The following IMMP2L variants were observed in gnomAD, a reference collection of about 807,000 sequenced individuals.
IMMP2L encodes inner mitochondrial membrane peptidase subunit 2.
Under a neutral mutation model 19.3 loss-of-function variants are expected in IMMP2L, and 18 were observed. The observed-to-expected ratio is 0.93, with a 90% confidence interval of 0.64 to 1.38. The LOEUF (loss-of-function observed/expected upper bound fraction) is 1.38, where lower values mean the gene tolerates loss of function less well. Among genes scored for constraint, IMMP2L ranks in the 40% most tolerant of loss-of-function variants. The probability of loss-of-function intolerance (pLI) is 0.00; values close to 1 mark genes in which losing one functional copy is unlikely to be tolerated. For synonymous variants in IMMP2L, 76 were observed against 73.0 expected, an observed-to-expected ratio of 1.04 and a Z score of -0.21; for missense variants, 233 against 218.2, an observed-to-expected ratio of 1.07 and a Z score of -0.43.
intron 3 of IMMP2L, among the ~76,000 whole-genome samples, chr7:111,173,797 C>T (rs2189324): frequency 0.89 from 134,529 of 151,514 alleles, 60,237 homozygotes; most frequent in Non-Finnish European, 0.95. Context: ...AGGACATATC[C>T]AGAAAATGTA....
At chr7:110,963,841 A>C (rs2129555626) in intron 3 of IMMP2L, among the ~76,000 whole-genome samples, 1 of 152,130 alleles carries the variant, frequency 6.6e-6, no homozygotes, top group South Asian at 2.1e-4. Context: ...TTAAGGAATA[A>C]AGTTTATTAT....
rs1420122653 is a variant in IMMP2L, at chr7:110,663,392, A to G, written c.*210T>C. ...TTTTGGGGGCATTAAACAACAGGGA[A>G]CTAAAATTTAACACAAAATCAGGTG... On this transcript the variant is annotated 3_prime_UTR_variant, in exon 6 of 6. Coordinates refer to ENST00000405709, the MANE Select transcript of IMMP2L (RefSeq NM_032549.4). The G allele has an allele frequency of 6.8e-6, 3 of 439,170 alleles. No homozygotes were observed. Among genetic ancestry groups the G allele is most frequent in the African/African-American group, 4.1e-5 (2 of 48,304 alleles). The allele number at this position is 439,170 out of a possible 1,614,324, so 27.2% of individuals were successfully genotyped here.
chr7:111,483,824 A>T (rs1842397387), intron 3 of IMMP2L: 1 of 152,196 alleles, frequency 6.6e-6, no homozygotes, highest in East Asian at 1.9e-4. Context: ...TTTTTCCCAG[A>T]TGATTAATGT....
At chr7:111,131,953 A>T (rs1052111516) in intron 3 of IMMP2L, among the ~76,000 whole-genome samples, 2 of 151,966 alleles carry the variant, frequency 1.3e-5, no homozygotes, top group Non-Finnish European at 2.9e-5. Flanking sequence ...AACTCACAAC[A>T]ATAACTAATA....
At chr7:111,311,572 T>C (rs901114290) in intron 3 of IMMP2L, among the ~76,000 whole-genome samples, 6 of 152,168 alleles carry the variant, frequency 3.9e-5, no homozygotes, top group Non-Finnish European at 7.3e-5. Flanking sequence ...TATGTATTTG[T>C]AGCAATACTC....
intron 3 of IMMP2L, among the ~76,000 whole-genome samples, chr7:111,365,148 A>T (rs1829650711): frequency 6.6e-6 from 1 of 152,096 alleles, no homozygotes; most frequent in Admixed American, 6.6e-5. Context: ...GAACTTTTAA[A>T]ATTGAATTCA....
chr7:111,063,791 C>T (rs1293471807), intron 3 of IMMP2L, among the ~76,000 whole-genome samples: 2 of 152,290 alleles, frequency 1.3e-5, no homozygotes, highest in African/African-American at 4.8e-5. Flanking sequence ...CTCCAGTTCC[C>T]AACAAGTTCC....
chr7:110,863,331 C>T (rs1042014605), intron 5 of IMMP2L, among the ~76,000 whole-genome samples: 24 of 152,126 alleles, frequency 1.6e-4, no homozygotes, highest in African/African-American at 5.8e-4. Flanking sequence ...AAAAGAGCAG[C>T]CCCCACTGGG....
chr7:111,484,022 T>C (rs1193297778), intron 3 of IMMP2L, among the ~76,000 whole-genome samples: 1 of 152,188 alleles, frequency 6.6e-6, no homozygotes, highest in Non-Finnish European at 1.5e-5. Flanking sequence ...CATACAACTC[T>C]GGTATCAGTA....
chr7:111,447,226 G>A (rs1326370019), intron 3 of IMMP2L, among the ~76,000 whole-genome samples: 5 of 137,730 alleles, frequency 3.6e-5, no homozygotes, highest in South Asian at 4.6e-4. Context: ...GATACTCCTC[G>A]AGAAGAGCAA....
At chr7:110,814,515 T>G (rs1267134051) in intron 5 of IMMP2L, among the ~76,000 whole-genome samples, 2 of 151,078 alleles carry the variant, frequency 1.3e-5, no homozygotes, top group Admixed American at 6.6e-5. Flanking sequence ...GGAGCATTTA[T>G]ATCTAAAAAA....
intron 5 of IMMP2L, among the ~76,000 whole-genome samples, chr7:110,852,267 C>A (rs1806307035): frequency 1.3e-5 from 2 of 151,802 alleles, no homozygotes; most frequent in South Asian, 2.1e-4. Context: ...TAGCCATAAA[C>A]ATCCATATTA....
intron 5 of IMMP2L, among the ~76,000 whole-genome samples, chr7:110,810,091 C>T (rs1224085697): frequency 6.6e-6 from 1 of 152,078 alleles, no homozygotes; most frequent in African/African-American, 2.4e-5. Flanking sequence ...TTGCCGGCTT[C>T]CATCTCGTTC....
chr7:111,474,046 ATC>A (rs1841505073), intron 3 of IMMP2L, among the ~76,000 whole-genome samples: 2 of 152,182 alleles, frequency 1.3e-5, no homozygotes, highest in African/African-American at 4.8e-5. Context: ...GGAGGCCATT[ATC>A]CTAAGAATAA....
chr7:111,171,409 A>G (rs1806436087), intron 3 of IMMP2L, among the ~76,000 whole-genome samples: 1 of 151,654 alleles, frequency 6.6e-6, no homozygotes, highest in African/African-American at 2.4e-5. Flanking sequence ...TCCTAGTTTT[A>G]TTAATATCAC....
chr7:111,125,704 A>C (rs1801223616), intron 3 of IMMP2L, among the ~76,000 whole-genome samples: 1 of 152,120 alleles, frequency 6.6e-6, no homozygotes, highest in African/African-American at 2.4e-5. Flanking sequence ...TTTTTTTAAC[A>C]AGTAGCTTTT....
intron 3 of IMMP2L, among the ~76,000 whole-genome samples, chr7:110,997,503 C>T (rs563101463): frequency 7.2e-5 from 11 of 152,140 alleles, no homozygotes; most frequent in African/African-American, 2.2e-4. Context: ...ATAATCCAGT[C>T]GCTAAATCCT....
intron 3 of IMMP2L, among the ~76,000 whole-genome samples, chr7:111,181,204 GC>G (rs1358962776): frequency 6.6e-6 from 1 of 151,958 alleles, no homozygotes; most frequent in Non-Finnish European, 1.5e-5. Flanking sequence ...ACATCACTGA[GC>G]CTAATTTCCT....
chr7:111,522,233 T>C (rs1349397748), intron 1 of IMMP2L, among the ~76,000 whole-genome samples: 1 of 152,054 alleles, frequency 6.6e-6, no homozygotes, highest in Non-Finnish European at 1.5e-5. Context: ...TCTCACTCTG[T>C]CACCCAAGCT....
Sources: allele counts gnomAD v4.1 joint callset (sites outside exome capture counted in the v4.1 genomes callset), GRCh38; gene constraint gnomAD v4.1.1; transcripts MANE v1.5; gene names NCBI Gene and HGNC (gene_info 2026-07-23, HGNC 2026-07-21).